The following GRM7 variants were observed in gnomAD, a reference collection of about 807,000 sequenced individuals.
GRM7 encodes the protein glutamate metabotropic receptor 7.
Under a neutral mutation model 84.5 loss-of-function variants are expected in GRM7, and 35 were observed. That is an observed-to-expected ratio of 0.41 (90% CI 0.32 to 0.55). The LOEUF (loss-of-function observed/expected upper bound fraction) is 0.55, where lower values mean the gene tolerates loss of function less well. GRM7 is among the 20% of genes least tolerant of loss of function. The probability of loss-of-function intolerance (pLI) is 0.19; values close to 1 mark genes in which losing one functional copy is unlikely to be tolerated. For missense variants in GRM7, 1,003 were observed against 1,194.6 expected (o/e 0.84, Z 2.36); for synonymous variants, 487 against 455.1 (o/e 1.07, Z -0.89).
intron 1 of GRM7, among the ~76,000 whole-genome samples, chr3:7,142,886 T>A (rs1244083223): frequency 6.6e-6 from 1 of 152,174 alleles, no homozygotes; most frequent in Non-Finnish European, 1.5e-5. Context: ...ACCATTCCTG[T>A]GCAATAGCCA....
In GRM7 at chr3:6,896,618, G is replaced by A. The variant is rs146594170; in HGVS notation, c.519+34711G>A. On this transcript the variant is annotated intron_variant, in intron 1 of 9. Transcript: ENST00000357716. ...GCATTTAGGAGATGTTCAATAAGTG[G>A]TAGTGAGGTTTGCTTTCCACTTTAG... is the stretch of plus-strand genomic sequence containing the variant. Among the ~76,000 whole-genome samples, 42 of 152,292 alleles carry A rather than the reference G, an allele frequency of 2.8e-4. No homozygotes were observed. In the East Asian group the frequency reaches 7.7e-3, roughly 28 times the overall value.
intron 6 of GRM7, among the ~76,000 whole-genome samples, chr3:7,453,051 A>C (rs1184212472): frequency 7.1e-6 from 1 of 140,568 alleles, no homozygotes; most frequent in Non-Finnish European, 1.5e-5. Flanking sequence ...TTTTTGCACT[A>C]TGCCAAATTC....
At chr3:7,065,914 C>A (rs1697638425) in intron 1 of GRM7, among the ~76,000 whole-genome samples, 1 of 151,722 alleles carries the variant, frequency 6.6e-6, no homozygotes, top group African/African-American at 2.4e-5. Flanking sequence ...AATTAAATAA[C>A]CTGCTGAATG....
chr3:6,969,977 G>T (rs1693678827), intron 1 of GRM7, among the ~76,000 whole-genome samples: 1 of 152,142 alleles, frequency 6.6e-6, no homozygotes, highest in African/African-American at 2.4e-5. Flanking sequence ...AAGACCTAGA[G>T]GCAATTTTCT....
intron 7 of GRM7, among the ~76,000 whole-genome samples, chr3:7,470,911 G>A (rs1698675753): frequency 6.6e-6 from 1 of 151,802 alleles, no homozygotes; most frequent in Non-Finnish European, 1.5e-5. Context: ...GAAAATACAG[G>A]AAGTAGATTT....
At chr3:6,912,749 C>T (rs1559324798) in intron 1 of GRM7, among the ~76,000 whole-genome samples, 1 of 151,882 alleles carries the variant, frequency 6.6e-6, no homozygotes, top group African/African-American at 2.4e-5. Flanking sequence ...CAAATTCTAC[C>T]TAGAAAAAAT....
intron 4 of GRM7, among the ~76,000 whole-genome samples, chr3:7,408,237 T>C (rs1695766123): frequency 6.6e-6 from 1 of 152,158 alleles, no homozygotes; most frequent in African/African-American, 2.4e-5. Context: ...ATTACATAAA[T>C]GCCCTTCTGT....
chr3:7,362,491 CT>C lies in GRM7; in HGVS notation c.1034-52523del, dbSNP rs143040420. ...ATTTTTAAAGATACATTAGAAAAATCTTTTTTTTTCCCCACAGCTAGTTATT... is the reference window on the plus strand; with the variant it reads ...ATTTTTAAAGATACATTAGAAAAATCTTTTTTTTCCCCACAGCTAGTTATT... On this transcript the variant is annotated intron_variant, in intron 4 of 9. Transcript: ENST00000357716. Among the ~76,000 whole-genome samples the C allele has an allele frequency of 4.5e-4, 68 of 151,216 alleles. 1 individual carries two copies. The South Asian group carries it at 6.3e-3, about 14-fold the overall frequency.
chr3:7,103,820 C>CTCTCTCTCTCTG (rs1699204537), intron 1 of GRM7, among the ~76,000 whole-genome samples: 3 of 85,718 alleles, frequency 3.5e-5, no homozygotes, highest in African/African-American at 1.4e-4. Context: ...CTTTCTTTCT[C>CTCTCTCTCTCTG]TCTCTCTCTG....
At chr3:7,044,696 A>G (rs1166087492) in intron 1 of GRM7, among the ~76,000 whole-genome samples, 1 of 152,096 alleles carries the variant, frequency 6.6e-6, no homozygotes, top group Non-Finnish European at 1.5e-5. Context: ...TCCTATGGAA[A>G]TGTGGTGTAG....
At chr3:7,407,984 C>A (rs1482294994) in intron 4 of GRM7, among the ~76,000 whole-genome samples, 2 of 152,174 alleles carry the variant, frequency 1.3e-5, no homozygotes, top group African/African-American at 4.8e-5. Context: ...CTAAAAACTA[C>A]ATATATTAGC....
intron 1 of GRM7, among the ~76,000 whole-genome samples, chr3:6,908,351 C>A (rs1041128673): frequency 2.2e-4 from 33 of 152,208 alleles, no homozygotes; most frequent in Non-Finnish European, 2.8e-4. Flanking sequence ...TAGATGATGT[C>A]TTCTTTTCTT....
chr3:6,949,630 G>A (rs957628862), intron 1 of GRM7, among the ~76,000 whole-genome samples: 2 of 151,750 alleles, frequency 1.3e-5, no homozygotes, highest in East Asian at 1.9e-4. Flanking sequence ...AAGTTCTCCT[G>A]GATAATATCC....
At chr3:7,645,064 T>C (rs1698560155) in intron 8 of GRM7, among the ~76,000 whole-genome samples, 1 of 152,030 alleles carries the variant, frequency 6.6e-6, no homozygotes. Context: ...AGGTTTCACA[T>C]CCCTACCCAA....
At chr3:7,609,662 T>C (rs999462847) in intron 8 of GRM7, among the ~76,000 whole-genome samples, 1 of 151,984 alleles carries the variant, frequency 6.6e-6, no homozygotes, top group Non-Finnish European at 1.5e-5. Context: ...GGGAAGGAGA[T>C]GTTGAGCTTT....
chr3:6,981,189 C>T (rs1309237661), intron 1 of GRM7, among the ~76,000 whole-genome samples: 1 of 152,126 alleles, frequency 6.6e-6, no homozygotes, highest in African/African-American at 2.4e-5. Flanking sequence ...CTTTTTGATA[C>T]TTAAATTATA....
chr3:6,864,761 G>A (rs980313220), intron 1 of GRM7, among the ~76,000 whole-genome samples: 4 of 152,176 alleles, frequency 2.6e-5, no homozygotes, highest in African/African-American at 9.7e-5. Context: ...AGCACTGAAG[G>A]GAAGGAGGGA....
At chr3:7,031,000 GA>G in intron 1 of GRM7, among the ~76,000 whole-genome samples, 1 of 152,108 alleles carries the variant, frequency 6.6e-6, no homozygotes, top group South Asian at 2.1e-4. Context: ...TCTACTTATT[GA>G]AAAAATATGT....
chr3:7,661,085 T>G (rs955187836), intron 8 of GRM7, among the ~76,000 whole-genome samples: 7 of 152,204 alleles, frequency 4.6e-5, no homozygotes, highest in African/African-American at 1.4e-4. Context: ...ACACACAATT[T>G]ATACGTGAAC....
Sources: allele counts gnomAD v4.1 joint callset (sites outside exome capture counted in the v4.1 genomes callset), GRCh38; gene constraint gnomAD v4.1.1; transcripts MANE v1.5; gene names NCBI Gene and HGNC (gene_info 2026-07-23, HGNC 2026-07-21).